The following MSL2 variants were observed in gnomAD, a reference collection of about 807,000 sequenced individuals.
MSL2 encodes the protein MSL complex subunit 2, also known as E3 ubiquitin-protein ligase MSL2.
In MSL2, 2 loss-of-function variants were observed where a neutral mutation model predicts 35.8. That is an observed-to-expected ratio of 0.06 (90% CI 0.02 to 0.18). The LOEUF (loss-of-function observed/expected upper bound fraction) is 0.18. MSL2 is among the 10% of genes least tolerant of loss of function. MSL2 has a pLI of 1.00. For synonymous variants in MSL2, 296 were observed against 255.7 expected (o/e 1.16, Z -1.50); for missense variants, 523 against 706.7 (o/e 0.74, Z 2.95).
intron 1 of MSL2, among the ~76,000 whole-genome samples, chr3:136,194,005 T>C (rs147729720): frequency 1.3e-5 from 2 of 152,322 alleles, no homozygotes; most frequent in African/African-American, 4.8e-5. Context: ...TCTTCCTTTA[T>C]CTACTTTTAA....
At chr3:136,186,773 A>C (rs1201646879) in intron 1 of MSL2, among the ~76,000 whole-genome samples, 3 of 152,222 alleles carry the variant, frequency 2.0e-5, no homozygotes, top group Non-Finnish European at 4.4e-5. Flanking sequence ...CAATGTAATA[A>C]TAATAGAAAT....
At chr3:136,171,285 T>C (rs1371951568) in intron 1 of MSL2, among the ~76,000 whole-genome samples, 1 of 152,140 alleles carries the variant, frequency 6.6e-6, no homozygotes, top group Non-Finnish European at 1.5e-5. Context: ...CTCAGGATTA[T>C]CATTTGTAAA....
At chr3:136,165,395 T>A (rs1354515453) in intron 1 of MSL2, among the ~76,000 whole-genome samples, 1 of 152,202 alleles carries the variant, frequency 6.6e-6, no homozygotes, top group African/African-American at 2.4e-5. Flanking sequence ...CATTTTTGTT[T>A]AGTTACCAAT....
In MSL2 at chr3:136,150,015, TA is replaced by T. The variant is rs1939305535; in HGVS notation, c.*1131del. ...GTTTGTGACTCACTTGTCTTCCCCATAAAAATTAACCGGAAGAAGTGCATTT... is the reference window on the plus strand; with the variant it reads ...GTTTGTGACTCACTTGTCTTCCCCATAAAATTAACCGGAAGAAGTGCATTT... On this transcript the variant is annotated 3_prime_UTR_variant, in exon 2 of 2. Coordinates refer to ENST00000309993, the MANE Select transcript of MSL2 (RefSeq NM_018133.4). 6.6e-6 allele frequency: 1 copy of T among 152,622 alleles called. No homozygotes were observed. The highest frequency in any genetic ancestry group is 2.4e-5 in the African/African-American group (1 of 41,450). 9.5% of individuals were successfully genotyped at this position (152,622 alleles called of 1,614,324 possible).
intron 1 of MSL2, among the ~76,000 whole-genome samples, chr3:136,154,248 T>C (rs1363887495): frequency 6.6e-6 from 1 of 152,180 alleles, no homozygotes; most frequent in East Asian, 1.9e-4. Flanking sequence ...TAGGGTATAA[T>C]ACTGGGCTCA....
At chr3:136,159,897 A>G (rs1939651932) in intron 1 of MSL2, among the ~76,000 whole-genome samples, 1 of 150,808 alleles carries the variant, frequency 6.6e-6, no homozygotes, top group South Asian at 2.1e-4. Context: ...TGCACAATTC[A>G]CAAAAAGGAA....
rs758639426 is a variant in MSL2 at position 136,151,702 on chromosome 3, T to C, written c.1179A>G (p.Thr393=). 1 of 1,614,200 alleles carries C rather than the reference T, an allele frequency of 6.2e-7. No homozygotes were observed. The highest frequency in any genetic ancestry group is 8.5e-7 in the Non-Finnish European group (1 of 1,180,022). ...QPIATVPNGG[T]TPKISKTVLL... ...GTACAGTTTTGCTGATTTTAGGTGT[T>C]GTGCCTCCATTGGGAACAGTTGCTA... The change falls in exon 2 of 2, where the codon ACA becomes ACG. Residue 393 remains threonine (T), a synonymous_variant. Transcript: ENST00000309993. The surrounding 1 kb of genome is among the most constrained non-coding windows in gnomAD (Gnocchi z 5.2).
intron 1 of MSL2, among the ~76,000 whole-genome samples, chr3:136,184,656 G>A (rs1212773568): frequency 4.8e-5 from 7 of 147,148 alleles, no homozygotes; most frequent in Non-Finnish European, 7.4e-5. Flanking sequence ...AACCTCCAGC[G>A]TACAAGAAGG....
chr3:136,193,222 C>T (rs1252886921), intron 1 of MSL2, among the ~76,000 whole-genome samples: 1 of 152,086 alleles, frequency 6.6e-6, no homozygotes, highest in Non-Finnish European at 1.5e-5. Context: ...TTCAATTAGA[C>T]CACCACTACC....
Position 136,152,768 on chromosome 3 carries a change from T to G in MSL2, c.143-30A>C, listed in dbSNP as rs528925835. 7.4e-5 allele frequency: 118 copies of G among 1,591,648 alleles called. 6 individuals are homozygous for G. The South Asian group carries it at 1.3e-3, about 17-fold the overall frequency. ...GGGGGAGAAGGAGGAAAGCAAAGAT[T>G]TTAGTAAAATAAATTTACCATTTCA... On this transcript the variant is annotated intron_variant, in intron 1 of 1. Coordinates refer to ENST00000309993, the MANE Select transcript of MSL2 (RefSeq NM_018133.4).
At chr3:136,193,270 G>A (rs1006654319) in intron 1 of MSL2, among the ~76,000 whole-genome samples, 2 of 152,048 alleles carry the variant, frequency 1.3e-5, no homozygotes, top group Non-Finnish European at 2.9e-5. Flanking sequence ...AACCTCTGAG[G>A]TTCTTAACAG....
chr3:136,162,730 C>A (rs1047655261), intron 1 of MSL2, among the ~76,000 whole-genome samples: 1 of 152,122 alleles, frequency 6.6e-6, no homozygotes, highest in Admixed American at 6.6e-5. Flanking sequence ...CAAAATGTTA[C>A]ATGAAATCTC....
intron 1 of MSL2, among the ~76,000 whole-genome samples, chr3:136,162,769 T>C (rs1939744141): frequency 6.6e-6 from 1 of 152,140 alleles, no homozygotes; most frequent in Non-Finnish European, 1.5e-5. Context: ...AACCATAATT[T>C]TATATCAAAT....
intron 1 of MSL2, among the ~76,000 whole-genome samples, chr3:136,182,107 G>T (rs1052952779): frequency 1.3e-5 from 2 of 152,038 alleles, no homozygotes; most frequent in Non-Finnish European, 2.9e-5. Context: ...TTATAACACT[G>T]TCCAACAGAA....
chr3:136,171,089 A>T (rs9836446), intron 1 of MSL2, among the ~76,000 whole-genome samples: 10,302 of 152,284 alleles, frequency 0.068, 482 homozygotes, highest in South Asian at 0.11. Flanking sequence ...ATTATTACTC[A>T]ACATTTACCT....
chr3:136,194,563 G>C, intron 1 of MSL2: 3 of 508,182 alleles, frequency 5.9e-6, no homozygotes, highest in Non-Finnish European at 7.7e-6. Context: ...TTGGGGAAAT[G>C]CAAACACGCC....
intron 1 of MSL2, among the ~76,000 whole-genome samples, chr3:136,157,099 T>C (rs1047628471): frequency 3.9e-5 from 6 of 152,122 alleles, no homozygotes; most frequent in East Asian, 1.9e-4. Flanking sequence ...TTCACCTTAA[T>C]AGGAATCCCA....
At chr3:136,176,358 A>G (rs1940174962) in intron 1 of MSL2, among the ~76,000 whole-genome samples, 1 of 151,916 alleles carries the variant, frequency 6.6e-6, no homozygotes. Flanking sequence ...TACTAAAAAT[A>G]CAAAAAATTA....
intron 1 of MSL2, among the ~76,000 whole-genome samples, chr3:136,160,885 G>C (rs899627839): frequency 1.3e-5 from 2 of 151,994 alleles, no homozygotes; most frequent in Non-Finnish European, 2.9e-5. Context: ...TCAGGAGATC[G>C]AGACGATCCT....
Sources: gnomAD v4.1 joint callset for allele counts (sites outside exome capture counted in the v4.1 genomes callset) on GRCh38, gnomAD v4.1.1 for gene constraint, Gnocchi (gnomAD v3.1) non-coding constraint, MANE v1.5 for transcripts, NCBI Gene and HGNC (gene_info 2026-07-23, HGNC 2026-07-21) for gene names.